Variants in CTNNA3 observed in about 807,000 individuals in gnomAD.
CTNNA3 encodes catenin alpha 3.
CTNNA3 carries 76 observed loss-of-function variants against 95.7 expected under a neutral mutation model. The ratio of observed to expected loss-of-function variants is 0.79; its 90% confidence interval spans 0.66 to 0.96. The LOEUF is 0.96. Among genes scored for constraint, CTNNA3 ranks in the 40% least tolerant of loss-of-function variants. The pLI, the probability that CTNNA3 is intolerant of heterozygous loss-of-function variation, is 0.00. For synonymous variants in CTNNA3, 431 were observed against 374.4 expected, an observed-to-expected ratio of 1.15 and a Z score of -1.74; for missense variants, 1,191 against 1,089.8, an observed-to-expected ratio of 1.09 and a Z score of -1.31.
chr10:66,437,314 T>G (rs547084078), intron 11 of CTNNA3, among the ~76,000 whole-genome samples: 37 of 152,294 alleles, frequency 2.4e-4, no homozygotes, highest in Admixed American at 7.2e-4. Flanking sequence ...CCCTGTTACT[T>G]TCAGGTACAC....
chr10:67,468,907 T>A (rs1257843088), intron 5 of CTNNA3, among the ~76,000 whole-genome samples: 1 of 152,170 alleles, frequency 6.6e-6, no homozygotes, highest in Non-Finnish European at 1.5e-5. Flanking sequence ...ACAGCTTACC[T>A]AAAACAATCA....
intron 7 of CTNNA3, among the ~76,000 whole-genome samples, chr10:66,812,513 C>T (rs886430161): frequency 6.6e-6 from 1 of 152,090 alleles, no homozygotes; most frequent in Non-Finnish European, 1.5e-5. Context: ...TCCAGCTTGA[C>T]AATTTATTAA....
At chr10:67,464,538 T>C (rs1306886710) in intron 5 of CTNNA3, among the ~76,000 whole-genome samples, 6 of 152,192 alleles carry the variant, frequency 3.9e-5, no homozygotes, top group African/African-American at 1.4e-4. Context: ...TTGAAAGTAG[T>C]GGCTGAGTAT....
intron 7 of CTNNA3, among the ~76,000 whole-genome samples, chr10:67,103,888 A>T (rs549194589): frequency 1.3e-5 from 2 of 151,818 alleles, no homozygotes; most frequent in Middle Eastern, 3.4e-3. Flanking sequence ...CCTAAACCAG[A>T]GGCCTAATGG....
At chr10:66,250,374 A>C (rs1300358802) in intron 13 of CTNNA3, among the ~76,000 whole-genome samples, 1 of 152,328 alleles carries the variant, frequency 6.6e-6, no homozygotes, top group African/African-American at 2.4e-5. Flanking sequence ...TGACAGAGTA[A>C]CTATAATCAA....
intron 3 of CTNNA3, among the ~76,000 whole-genome samples, chr10:67,545,354 T>C (rs890688817): frequency 1.3e-5 from 2 of 152,134 alleles, no homozygotes; most frequent in African/African-American, 4.8e-5. Context: ...CTTTCCGGTA[T>C]GTAAAATATA....
chr10:67,361,428 T>C (rs1842987406), intron 5 of CTNNA3, among the ~76,000 whole-genome samples: 1 of 152,168 alleles, frequency 6.6e-6, no homozygotes, highest in South Asian at 2.1e-4. Context: ...AACCATACTC[T>C]TGGACCACAA....
Position 66,900,615 on chromosome 10 carries a change from G to GA in CTNNA3, c.1048-125092dup, listed in dbSNP as rs769446218. On this transcript the variant is annotated intron_variant, in intron 7 of 17. Transcript: ENST00000433211. ...ATGTTCTAACCCATGGGAAGGATTA[G>GA]AAAAAAAACCTTGAAAAAAGGTTAG... is the stretch of plus-strand genomic sequence containing the variant. Among the ~76,000 whole-genome samples the GA allele has an allele frequency of 6.8e-4, 103 of 151,582 alleles. 1 individual carries two copies. Among genetic ancestry groups the GA allele is most frequent in the Middle Eastern group, 3.4e-3 (1 of 294 alleles).
At chr10:66,126,536 C>G (rs1212137034) in intron 13 of CTNNA3, among the ~76,000 whole-genome samples, 4 of 152,054 alleles carry the variant, frequency 2.6e-5, no homozygotes, top group Non-Finnish European at 5.9e-5. Flanking sequence ...GTTTCTGATA[C>G]CATTCACCAA....
intron 5 of CTNNA3, among the ~76,000 whole-genome samples, chr10:67,492,973 C>A (rs765624553): frequency 2.0e-5 from 3 of 152,126 alleles, no homozygotes; most frequent in Non-Finnish European, 4.4e-5. Flanking sequence ...CCCTCCTCTA[C>A]AATTAACAAT....
At chr10:67,558,839 C>A (rs150658110) in intron 3 of CTNNA3, among the ~76,000 whole-genome samples, 2 of 152,206 alleles carry the variant, frequency 1.3e-5, no homozygotes, top group Non-Finnish European at 2.9e-5. Context: ...GATTATATCC[C>A]GCACATGGCT....
intron 9 of CTNNA3, among the ~76,000 whole-genome samples, chr10:66,633,451 C>A (rs7915086): frequency 6.6e-6 from 1 of 152,028 alleles, no homozygotes; most frequent in Non-Finnish European, 1.5e-5. Context: ...GAGGCCAAGG[C>A]GGGCAGATCA....
intron 1 of CTNNA3, among the ~76,000 whole-genome samples, chr10:67,667,206 A>C (rs1337681349): frequency 6.6e-6 from 1 of 152,152 alleles, no homozygotes; most frequent in Non-Finnish European, 1.5e-5. Flanking sequence ...ATTTCTCATA[A>C]ACATGCGGTA....
At chr10:66,759,949 A>G (rs1211921864) in intron 9 of CTNNA3, among the ~76,000 whole-genome samples, 2 of 152,152 alleles carry the variant, frequency 1.3e-5, no homozygotes, top group Non-Finnish European at 2.9e-5. Context: ...ATTTAAAACT[A>G]TACATGTAAT....
chr10:67,360,957 G>C (rs924648128), intron 5 of CTNNA3, among the ~76,000 whole-genome samples: 1 of 150,828 alleles, frequency 6.6e-6, no homozygotes, highest in Non-Finnish European at 1.5e-5. Context: ...AAACAAAAAA[G>C]AGCAGTGATT....
chr10:66,852,181 T>C (rs746117155), intron 7 of CTNNA3, among the ~76,000 whole-genome samples: 40 of 152,174 alleles, frequency 2.6e-4, no homozygotes, highest in Non-Finnish European at 5.3e-4. Context: ...TGGTACTTGA[T>C]TATATTTTAT....
chr10:66,173,738 G>A (rs1365394709), intron 13 of CTNNA3, among the ~76,000 whole-genome samples: 23 of 152,088 alleles, frequency 1.5e-4, no homozygotes, highest in East Asian at 9.6e-4. Flanking sequence ...GTGGTAATGG[G>A]AGGGCTAAGG....
chr10:67,219,661 T>C lies in CTNNA3; in HGVS notation c.789A>G (p.Thr263=). 1.2e-6 allele frequency: 2 copies of C among 1,614,166 alleles called. No individual in the cohort carries two copies. The highest frequency in any genetic ancestry group is 1.7e-6 in the Non-Finnish European group (2 of 1,180,014). The stretch of plus-strand genomic sequence containing the variant: ...TTGCTGCCTGAGGTTCTGGTGGGGT[T>C]GTCATATTCTGGATCCCTTGTGAAG... ...SNASQGIQNM[T]TPPEPQAATL... The change falls in exon 6 of 18, where the codon ACA becomes ACG. Residue 263 remains threonine (T), a synonymous_variant. Transcript: ENST00000433211.
At chr10:67,056,489 G>A (rs190952177) in intron 7 of CTNNA3, among the ~76,000 whole-genome samples, 189 of 152,212 alleles carry the variant, frequency 1.2e-3, no homozygotes, top group African/African-American at 4.4e-3. Flanking sequence ...CTTCAGGCTT[G>A]TGAAACCAAG....
Sources: gnomAD v4.1 joint callset for allele counts (sites outside exome capture counted in the v4.1 genomes callset) on GRCh38, gnomAD v4.1.1 for gene constraint, MANE v1.5 for transcripts, NCBI Gene and HGNC (gene_info 2026-07-23, HGNC 2026-07-21) for gene names.